Variants in UFL1 observed in about 807,000 individuals in gnomAD.
The protein encoded by UFL1 is UFM1 specific ligase 1.
Under a neutral mutation model 99.3 loss-of-function variants are expected in UFL1, and 78 were observed. The ratio of observed to expected loss-of-function variants is 0.79; its 90% CI spans 0.65 to 0.95. UFL1 has a LOEUF of 0.95. UFL1 is among the 40% of genes least tolerant of loss of function. The probability of loss-of-function intolerance (pLI) is 0.00; values close to 1 mark genes in which losing one functional copy is unlikely to be tolerated. For missense variants in UFL1, 936 were observed against 937.0 expected (o/e 1.00, Z 0.01); for synonymous variants, 335 against 322.2 (o/e 1.04, Z -0.42).
At chr6:96,538,471 GA>G (rs1283458856) in intron 9 of UFL1, among the ~76,000 whole-genome samples, 159 bp from the exon 10 acceptor site, 1 of 151,604 alleles carries the variant, frequency 6.6e-6, no homozygotes, top group African/African-American at 2.4e-5. Context: ...GAGTGGTGAT[GA>G]AACCAGAAAT....
chr6:96,537,268 A>G (rs1409137755), intron 8 of UFL1, 106 bp from the exon 9 acceptor site: 2 of 898,920 alleles, frequency 2.2e-6, no homozygotes, highest in Non-Finnish European at 3.2e-6. Flanking sequence ...TTAAGAAGGT[A>G]GACATCTCTA....
intron 7 of UFL1, 120 bp from the exon 8 acceptor site, chr6:96,536,124 C>T (rs898654373): frequency 2.1e-6 from 2 of 968,442 alleles, no homozygotes; most frequent in Non-Finnish European, 2.9e-6. Flanking sequence ...TATGCTATTT[C>T]AACTTCAGAT....
rs1769890343 is a variant in UFL1 at position 96,538,770 on chromosome 6, C to CAGAA, written c.1119_1122dup (p.Leu375ArgfsTer5). The CAGAA allele has an allele frequency of 6.2e-7, 1 of 1,610,110 alleles. No homozygotes were observed. Among genetic ancestry groups the CAGAA allele is most frequent in the Non-Finnish European group, 8.5e-7 (1 of 1,177,614 alleles). ...AGTGAAAAATTTATAAATGACTGTA[C>CAGAA]AGAACTGTTCCGTGAGCTGATGCAC... On this transcript the variant is annotated frameshift_variant, in exon 10 of 19. Coordinates refer to ENST00000369278, the MANE Select transcript of UFL1 (RefSeq NM_015323.5). LOFTEE classifies it high-confidence loss of function.
At chr6:96,528,662 C>G in intron 6 of UFL1, 30 bp downstream of exon 6, 3 of 1,555,162 alleles carry the variant, frequency 1.9e-6, no homozygotes, top group South Asian at 1.2e-5. Context: ...TATATATTTG[C>G]ACATTTCTTT....
intron 6 of UFL1, among the ~76,000 whole-genome samples, chr6:96,530,678 A>G (rs1458627784): frequency 1.3e-5 from 2 of 152,130 alleles, no homozygotes; most frequent in Non-Finnish European, 2.9e-5. Flanking sequence ...GCATACCCCC[A>G]TCATTCTTGA....
chr6:96,525,783 G>A (rs576633808), intron 4 of UFL1, among the ~76,000 whole-genome samples: 129 of 150,452 alleles, frequency 8.6e-4, no homozygotes, highest in African/African-American at 3.0e-3. Flanking sequence ...TAACTTTTAC[G>A]TTCCTTCCCG....
intron 15 of UFL1, 85 bp downstream of exon 15, chr6:96,549,884 G>T: frequency 6.7e-7 from 1 of 1,496,324 alleles, no homozygotes. Flanking sequence ...GGAGTAAAGA[G>T]GAAAATAAAA....
intron 2 of UFL1, among the ~76,000 whole-genome samples, chr6:96,524,139 T>G (rs367740362): frequency 5.3e-5 from 8 of 151,904 alleles, no homozygotes; most frequent in African/African-American, 1.9e-4. Flanking sequence ...GTGTGCCAGT[T>G]GGTGCTCATA....
At chr6:96,532,891 A>G (rs1484615497) in intron 6 of UFL1, among the ~76,000 whole-genome samples, 2 of 152,210 alleles carry the variant, frequency 1.3e-5, no homozygotes, top group Non-Finnish European at 2.9e-5. Context: ...GAGTAAAACA[A>G]TTTAATAAAA....
At chr6:96,525,430 G>GT (rs766966905) in intron 4 of UFL1, 36 bp downstream of exon 4, 1 of 1,482,462 alleles carries the variant, frequency 6.7e-7, no homozygotes, top group East Asian at 2.3e-5. Flanking sequence ...AGAGCACTTT[G>GT]TTTATTTTCT....
intron 4 of UFL1, 30 bp from the exon 5 acceptor site, chr6:96,526,291 T>C: frequency 6.5e-7 from 1 of 1,538,688 alleles, no homozygotes; most frequent in Non-Finnish European, 8.8e-7. Flanking sequence ...CTAATTCTTT[T>C]TTCTATTATT....
intron 2 of UFL1, 107 bp downstream of exon 2, chr6:96,523,398 G>A (rs1769654468): frequency 8.3e-7 from 1 of 1,209,502 alleles, no homozygotes; most frequent in Non-Finnish European, 1.1e-6. Flanking sequence ...TAGATTGTAA[G>A]ATATCGTTTT....
intron 18 of UFL1, 63 bp from the exon 19 acceptor site, chr6:96,553,222 C>T: frequency 6.7e-7 from 1 of 1,489,320 alleles, no homozygotes; most frequent in Non-Finnish European, 9.2e-7. Flanking sequence ...TGAAGAAATT[C>T]TACTTTATCT....
Position 96,534,312 on chromosome 6 carries a change from C to G in UFL1, c.646C>G (p.Leu216Val). The change falls in exon 7 of 19, where the codon CTT becomes GTT. Residue 216 changes from leucine (L) to valine (V), a missense_variant. Transcript: ENST00000369278. ...TTCAAAATATGGATTTCAGGAGCAG[C>G]TTCTTTACTGTGAGTTTGGTTTAAA... is the stretch of plus-strand genomic sequence containing the variant. ...LISKYGFQEQ[L>V]LYSVLEELVN... 1 of 1,576,558 alleles carries G rather than the reference C, an allele frequency of 6.3e-7. No homozygotes were observed. Among genetic ancestry groups the G allele is most frequent in the Non-Finnish European group, 8.6e-7 (1 of 1,163,198 alleles).
chr6:96,523,315 T>C (rs756023018), intron 2 of UFL1, 24 bp downstream of exon 2: 1 of 1,552,064 alleles, frequency 6.4e-7, no homozygotes, highest in Non-Finnish European at 8.7e-7. Flanking sequence ...TAGTGTTTTT[T>C]TTTTTCTTGG....
chr6:96,551,597 T>C (rs1474597690), intron 16 of UFL1, 84 bp downstream of exon 16: 1 of 1,031,102 alleles, frequency 9.7e-7, no homozygotes, highest in African/African-American at 1.7e-5. Flanking sequence ...ATCAGAGTAA[T>C]TGTAAATCCA....
At chr6:96,529,991 T>C (rs1431471540) in intron 6 of UFL1, among the ~76,000 whole-genome samples, 1 of 152,168 alleles carries the variant, frequency 6.6e-6, no homozygotes, top group Non-Finnish European at 1.5e-5. Flanking sequence ...TCATCCTATA[T>C]AACTATAATA....
chr6:96,536,305 G>C lies in UFL1; in HGVS notation c.717G>C (p.Gln239His), dbSNP rs754933462. The C allele has an allele frequency of 2.4e-5, 39 of 1,611,266 alleles. No homozygotes were observed. The East Asian group carries it at 8.7e-4, about 36-fold the overall frequency. ...RLRGTVVGGR[Q>H]DKAVFVPDIY... is the part of the protein sequence containing the mutation. Reference sequence around the variant, plus strand: ...GAGGCACTGTGGTTGGTGGGAGACAGGATAAAGCTGTGTTTGTCCCTGACA... The same window carrying C: ...GAGGCACTGTGGTTGGTGGGAGACACGATAAAGCTGTGTTTGTCCCTGACA... Residue 239 changes from glutamine to histidine, a missense_variant, in exon 8 of 19, where the codon CAG becomes CAC. Gln to His is a conservative substitution (Grantham distance 24). Transcript: ENST00000369278.
Position 96,551,425 on chromosome 6 carries a change from C to A in UFL1, c.1819-8C>A. 7.0e-7 allele frequency: 1 copy of A among 1,427,088 alleles called. No individual in the cohort carries two copies. Among genetic ancestry groups the A allele is most frequent in the Non-Finnish European group, 9.6e-7 (1 of 1,044,644 alleles). 88.4% of individuals were successfully genotyped at this position (1,427,088 alleles called of 1,614,324 possible). A position where few individuals can be genotyped will look rare whatever the true frequency, so the allele number is the denominator to read the frequency against. ...CAGTACTGAATGAATTTTCATTTAC[C>A]CCTACAGATAAGAAAGAAAATTTTA... On this transcript the variant is annotated splice_region_variant and splice_polypyrimidine_tract_variant and intron_variant, in intron 15 of 18. Coordinates refer to ENST00000369278, the MANE Select transcript of UFL1 (RefSeq NM_015323.5).
Sources: gnomAD v4.1 joint callset for allele counts (sites outside exome capture counted in the v4.1 genomes callset) on GRCh38, gnomAD v4.1.1 for gene constraint, MANE v1.5 for transcripts, NCBI Gene and HGNC (gene_info 2026-07-23, HGNC 2026-07-21) for gene names.